The following CRMP1 variants were observed in gnomAD, a reference collection of about 807,000 sequenced individuals.
The protein encoded by CRMP1 is dihydropyrimidinase-related protein 1.
Under a neutral mutation model 68.3 loss-of-function variants are expected in CRMP1, and 19 were observed. The ratio of observed to expected loss-of-function variants is 0.28; its 90% CI spans 0.19 to 0.41. The LOEUF is 0.41. CRMP1 is among the 10% of genes least tolerant of loss of function. The pLI is 1.00. For missense variants in CRMP1, 791 were observed against 967.4 expected, an observed-to-expected ratio of 0.82 and a Z score of 2.42; for synonymous variants, 439 against 399.6, an observed-to-expected ratio of 1.10 and a Z score of -1.18.
At chr4:5,852,768 A>T (rs1255254660) in intron 4 of CRMP1, among the ~76,000 whole-genome samples, 1 of 152,088 alleles carries the variant, frequency 6.6e-6, no homozygotes, top group Non-Finnish European at 1.5e-5. Context: ...ATGGGCAAAG[A>T]CAACTTAGTC....
rs376766526 is a variant in CRMP1, at chr4:5,856,248, C to T, written c.715G>A (p.Glu239Lys). 1.5e-5 allele frequency: 25 copies of T among 1,613,848 alleles called. No individual in the cohort carries two copies. The highest frequency in any genetic ancestry group is 2.2e-5 in the East Asian group (1 of 44,898). Residue 239 changes from glutamate to lysine, a missense_variant, in exon 4 of 14, where the codon GAA becomes AAA. Transcript: ENST00000324989. ...SLLTSFEKWH[E>K]AADTKSCCDY... Reference sequence around the variant, plus strand: ...CAGCAGGATTTGGTGTCAGCTGCTTCGTGCCACTTCTCGAAAGAGGTCAGT... The same window carrying T: ...CAGCAGGATTTGGTGTCAGCTGCTTTGTGCCACTTCTCGAAAGAGGTCAGT...
Position 5,866,754 on chromosome 4 carries a change from A to G in CRMP1, c.384T>C (p.Ser128=), listed in dbSNP as rs775534580. 6.2e-7 allele frequency: 1 copy of G among 1,609,538 alleles called. No individual in the cohort carries two copies. Among genetic ancestry groups the G allele is most frequent in the African/African-American group, 1.3e-5 (1 of 74,904 alleles). Residue 128 remains serine (S), a splice_region_variant and synonymous_variant, in exon 2 of 14, where the codon AGT becomes AGC. Transcript: ENST00000324989. The surrounding 1 kb of genome is among the most constrained non-coding windows in gnomAD (Gnocchi z 5.9). ...DLPLGRDNGQ[S]DRLLIKGGRI... ...GTCCACCTTTGATGAGGAGTCGGTC[A>G]CTCTGCAAAGCAAGGCAAAGTATTA...
At chr4:5,887,608 C>T (rs185155106) in intron 1 of CRMP1, 6 of 984,892 alleles carry the variant, frequency 6.1e-6, no homozygotes, top group African/African-American at 5.2e-5. Flanking sequence ...GGCCCAGCGT[C>T]GGGAACATTA....
In CRMP1 at chr4:5,842,786, T is replaced by C. The variant is rs17692770; in HGVS notation, c.1032+307A>G. Among the ~76,000 whole-genome samples, 12,262 of 152,222 alleles carry C rather than the reference T, an allele frequency of 0.081. 543 individuals carry two copies. The highest frequency in any genetic ancestry group is 0.1 in the African/African-American group (4,146 of 41,550). On this transcript the variant is annotated intron_variant, in intron 7 of 13. Transcript: ENST00000324989. This position sits in a 1 kb window ranked among gnomAD's most constrained non-coding sequence, Gnocchi z 4.5. ...GTCTCCTGGGTGCTGGGCTTGGGCA[T>C]GCGGCTCCACTTTCCTATTATCCAC...
chr4:5,841,362 T>C lies in CRMP1; in HGVS notation c.1099A>G (p.Thr367Ala), dbSNP rs776956058. The C allele has an allele frequency of 2.5e-5, 41 of 1,613,942 alleles. No homozygotes were observed. In the Admixed American group the frequency reaches 3.8e-4, roughly 15 times the overall value. Residue 367 changes from threonine to alanine, a missense_variant, in exon 8 of 14, where the codon ACC becomes GCC. Around this residue, in one of 3 missense-constraint regions of CRMP1, gnomAD observed 594 missense variants for 763.6 expected, o/e 0.78. Coordinates refer to ENST00000324989, the MANE Select transcript of CRMP1 (RefSeq NM_001014809.3). This position sits in a 1 kb window ranked among gnomAD's most constrained non-coding sequence, Gnocchi z 6.9. ...GCTGCACTCTTGCTCATGACCTTGG[T>C]GATGTACACAGGGCAGTTGATCCGG... ...AGRINCPVYI[T>A]KVMSKSAADI... is the part of the protein sequence containing the mutation.
intron 1 of CRMP1, among the ~76,000 whole-genome samples, chr4:5,885,005 G>C (rs377354347): frequency 1.3e-5 from 2 of 148,988 alleles, no homozygotes; most frequent in African/African-American, 4.9e-5. Flanking sequence ...AAAAAGACAC[G>C]CATGAAAGAG....
At chr4:5,830,913 T>A (rs1373138844) in intron 11 of CRMP1, among the ~76,000 whole-genome samples, 1 of 152,208 alleles carries the variant, frequency 6.6e-6, no homozygotes, top group Non-Finnish European at 1.5e-5. Context: ...ATCTTCTCAG[T>A]GTAAAAGTCC....
In CRMP1 at chr4:5,888,199, G is replaced by C; in HGVS notation, c.381+4390C>G. The stretch of plus-strand genomic sequence containing the variant: ...CCACTCCCAGCCCACAAAGGCCAGC[G>C]CGGGGCGGCGGGGGCGGGGGCCGCT... On this transcript the variant is annotated intron_variant, in intron 1 of 13. Transcript: ENST00000324989. This position sits in a 1 kb window ranked among gnomAD's most constrained non-coding sequence, Gnocchi z 6.4. The C allele has an allele frequency of 2.4e-6, 3 of 1,254,984 alleles. No individual in the cohort carries two copies. Among genetic ancestry groups the C allele is most frequent in the Non-Finnish European group, 3.0e-6 (3 of 996,656 alleles). 77.7% of individuals were successfully genotyped at this position (1,254,984 alleles called of 1,614,324 possible). A position where few individuals can be genotyped will look rare whatever the true frequency, so the allele number is the denominator to read the frequency against.
At position 5,891,040 on chromosome 4, in the gene CRMP1, G is replaced by T. The variant is rs1343074508; in HGVS notation, c.381+1549C>A. On this transcript the variant is annotated intron_variant, in intron 1 of 13. Coordinates refer to ENST00000324989, the MANE Select transcript of CRMP1 (RefSeq NM_001014809.3). The surrounding 1 kb of genome is among the most constrained non-coding windows in gnomAD (Gnocchi z 5.2). ...GCCCAGAAGCCTCCCCATCGGGCTC[G>T]GGAGTTTGGATCCCAAGAGAGGTCG... Among the ~76,000 whole-genome samples the T allele has an allele frequency of 6.6e-6, 1 of 151,996 alleles. No homozygotes were observed. Among genetic ancestry groups the T allele is most frequent in the Non-Finnish European group, 1.5e-5 (1 of 67,996 alleles).
chr4:5,856,346 A>C, intron 3 of CRMP1, 39 bp from the exon 4 acceptor site: 2 of 1,599,582 alleles, frequency 1.3e-6, no homozygotes, highest in African/African-American at 2.7e-5. Context: ...CTTCAGACTC[A>C]AGTGTTCCAA....
chr4:5,843,176 C>T lies in CRMP1; in HGVS notation c.964-15G>A. On this transcript the variant is annotated splice_polypyrimidine_tract_variant and intron_variant, in intron 6 of 13. Coordinates refer to ENST00000324989, the MANE Select transcript of CRMP1 (RefSeq NM_001014809.3). The surrounding 1 kb of genome is among the most constrained non-coding windows in gnomAD (Gnocchi z 4.1). ...CGCTTTTGTTCCTACAAGACAAGAA[C>T]AAGTGAGTTAACGATTAGAGGGTGT... 2.5e-6 allele frequency: 4 copies of T among 1,614,084 alleles called. No individual in the cohort carries two copies. Among genetic ancestry groups the T allele is most frequent in the African/African-American group, 1.3e-5 (1 of 75,042 alleles).
chr4:5,892,887 G>A lies in CRMP1; in HGVS notation c.83C>T (p.Pro28Leu). The change falls in exon 1 of 14, where the codon CCG becomes CTG. Residue 28 changes from proline to leucine, a missense_variant. Pro to Leu is a moderately conservative substitution (Grantham distance 98, BLOSUM62 -3). This residue lies in a region of CRMP1 where 193 missense variants were observed against 186.3 expected (regional missense o/e 1.04). Coordinates refer to ENST00000324989, the MANE Select transcript of CRMP1 (RefSeq NM_001014809.3). The surrounding 1 kb of genome is among the most constrained non-coding windows in gnomAD (Gnocchi z 8.6). The part of the protein sequence containing the change: ...LARPGSAAQT[P>L]RQKYGGMFAA... The stretch of plus-strand genomic sequence containing the variant: ...GAACATGCCGCCGTACTTCTGGCGC[G>A]GGGTCTGCGCCGCGCTGCCCGGCCG... 7.1e-7 allele frequency: 1 copy of A among 1,408,744 alleles called. No homozygotes were observed. Among genetic ancestry groups the A allele is most frequent in the Non-Finnish European group, 9.3e-7 (1 of 1,073,124 alleles). 87.3% of individuals were successfully genotyped at this position (1,408,744 alleles called of 1,614,324 possible). A position where few individuals can be genotyped will look rare whatever the true frequency, so the allele number is the denominator to read the frequency against.
rs968409325 is a variant in CRMP1 at position 5,891,195 on chromosome 4, C to G, written c.381+1394G>C. 4.6e-5 allele frequency among the ~76,000 whole-genome samples: 7 copies of G among 151,154 alleles called. No individual in the cohort carries two copies. Among genetic ancestry groups the G allele is most frequent in the African/African-American group, 7.3e-5 (3 of 41,026 alleles). Reference sequence around the variant, plus strand: ...ACACATACACACACACACACACACACACACACACACACACACACCCTTGCT... The same window carrying G: ...ACACATACACACACACACACACACAGACACACACACACACACACCCTTGCT... On this transcript the variant is annotated intron_variant, in intron 1 of 13. Transcript: ENST00000324989. This position sits in a 1 kb window ranked among gnomAD's most constrained non-coding sequence, Gnocchi z 5.2.
chr4:5,862,600 A>T (rs918857826), intron 2 of CRMP1, among the ~76,000 whole-genome samples: 4 of 152,204 alleles, frequency 2.6e-5, no homozygotes, highest in Non-Finnish European at 5.9e-5. Context: ...CAGCTCTAAC[A>T]GAGGACAGGG....
At chr4:5,878,543 G>A (rs1397572258) in intron 1 of CRMP1, among the ~76,000 whole-genome samples, 2 of 152,142 alleles carry the variant, frequency 1.3e-5, no homozygotes, top group Non-Finnish European at 1.5e-5. Context: ...CCTCCTGGGA[G>A]CCAGGTGCTT....
At chr4:5,830,130 T>C (rs965744546) in intron 11 of CRMP1, among the ~76,000 whole-genome samples, 13 of 152,172 alleles carry the variant, frequency 8.5e-5, no homozygotes, top group Non-Finnish European at 1.9e-4. Context: ...ACACATGCCA[T>C]TTCTATATTT....
At chr4:5,827,759 C>CAAACATCATGA (rs1719914293) in intron 12 of CRMP1, among the ~76,000 whole-genome samples, 1 of 127,050 alleles carries the variant, frequency 7.9e-6, no homozygotes, top group Non-Finnish European at 1.5e-5. Flanking sequence ...ACACACGAAG[C>CAAACATCATGA]TGGCCTTTCT....
intron 4 of CRMP1, among the ~76,000 whole-genome samples, chr4:5,852,768 A>C (rs1255254660): frequency 6.6e-6 from 1 of 152,088 alleles, no homozygotes; most frequent in Non-Finnish European, 1.5e-5. Context: ...ATGGGCAAAG[A>C]CAACTTAGTC....
intron 3 of CRMP1, among the ~76,000 whole-genome samples, chr4:5,857,339 T>C (rs573822269): frequency 6.6e-6 from 1 of 150,810 alleles, no homozygotes; most frequent in East Asian, 2.0e-4. Flanking sequence ...TATCACCCCA[T>C]CGCCATCACC....
Sources: gnomAD v4.1 joint callset for allele counts (sites outside exome capture counted in the v4.1 genomes callset) on GRCh38, gnomAD v4.1.1 for gene constraint, gnomAD v4.1.1 regional missense constraint, Gnocchi (gnomAD v3.1) non-coding constraint, MANE v1.5 for transcripts, NCBI Gene and HGNC (gene_info 2026-07-23, HGNC 2026-07-21) for gene names.